Variants in ROBO1 observed in about 807,000 individuals in gnomAD.
The protein encoded by ROBO1 is roundabout homolog 1.
ROBO1 carries 149 observed loss-of-function variants against 195.9 expected under a neutral mutation model. The observed-to-expected ratio is 0.76, with a 90% CI of 0.67 to 0.87. The LOEUF (loss-of-function observed/expected upper bound fraction) is 0.87, where lower values mean the gene tolerates loss of function less well. ROBO1 is among the 40% of genes least tolerant of loss of function. The probability of loss-of-function intolerance (pLI) is 0.00; values close to 1 mark genes in which losing one functional copy is unlikely to be tolerated. For synonymous variants in ROBO1, 816 were observed against 733.2 expected, an observed-to-expected ratio of 1.11 and a Z score of -1.82; for missense variants, 1,933 against 2,068.3, an observed-to-expected ratio of 0.93 and a Z score of 1.27.
At chr3:78,859,230 A>C (rs1217688219) in intron 4 of ROBO1, among the ~76,000 whole-genome samples, 1 of 152,182 alleles carries the variant, frequency 6.6e-6, no homozygotes, top group Non-Finnish European at 1.5e-5. Context: ...AAATGTAAGA[A>C]AAGACAGTTT....
chr3:78,855,881 A>AT (rs11351139), intron 4 of ROBO1, among the ~76,000 whole-genome samples: 13 of 151,670 alleles, frequency 8.6e-5, no homozygotes, highest in Middle Eastern at 3.4e-3. Flanking sequence ...TTTGGAGAAT[A>AT]TTTTTTTTTC....
At chr3:79,439,574 A>G (rs1280135220) in intron 2 of ROBO1, among the ~76,000 whole-genome samples, 1 of 152,116 alleles carries the variant, frequency 6.6e-6, no homozygotes, top group Non-Finnish European at 1.5e-5. Context: ...AGGGATTTCC[A>G]TTACCAACTG....
At chr3:79,664,920 T>C (rs537096369) in intron 1 of ROBO1, among the ~76,000 whole-genome samples, 1 of 152,160 alleles carries the variant, frequency 6.6e-6, no homozygotes, top group African/African-American at 2.4e-5. Context: ...GAATATTAGA[T>C]ACTTTCTGTA....
At chr3:78,976,411 G>T (rs2076885982) in intron 3 of ROBO1, among the ~76,000 whole-genome samples, 1 of 152,166 alleles carries the variant, frequency 6.6e-6, no homozygotes, top group South Asian at 2.1e-4. Context: ...CACTGTGCCG[G>T]TGAGTCTTTG....
intron 10 of ROBO1, among the ~76,000 whole-genome samples, chr3:78,682,861 G>C (rs2080959800): frequency 6.6e-6 from 1 of 151,216 alleles, no homozygotes; most frequent in South Asian, 2.1e-4. Context: ...CAGCAACTTT[G>C]CTAAATTCAC....
intron 28 of ROBO1, 29 bp downstream of exon 28, chr3:78,614,619 G>T: frequency 6.2e-7 from 1 of 1,610,092 alleles, no homozygotes; most frequent in African/African-American, 1.3e-5. Flanking sequence ...GAGATTCATA[G>T]ACGTTTTCAT....
intron 2 of ROBO1, among the ~76,000 whole-genome samples, chr3:79,332,954 C>T (rs1002423413): frequency 6.6e-6 from 1 of 152,132 alleles, no homozygotes; most frequent in African/African-American, 2.4e-5. Flanking sequence ...GTAATCCCAG[C>T]ACGTTGGGAG....
rs116289457 is a variant in ROBO1, at chr3:79,483,772, G to C, written c.88+106052C>G. 4.6e-3 allele frequency among the ~76,000 whole-genome samples: 694 copies of C among 152,270 alleles called. 3 individuals carry two copies. Among genetic ancestry groups the C allele is most frequent in the Non-Finnish European group, 8.1e-3 (554 of 68,020 alleles). ...CTATCATTGATGGAAGCATTGCTAA[G>C]ATGAGCATGACTGTGTCTAGCAGAC... On this transcript the variant is annotated intron_variant, in intron 2 of 30. Coordinates refer to ENST00000464233, the MANE Select transcript of ROBO1 (RefSeq NM_002941.4).
chr3:78,732,768 T>G (rs1318944705), intron 5 of ROBO1, among the ~76,000 whole-genome samples: 2 of 152,160 alleles, frequency 1.3e-5, no homozygotes, highest in Non-Finnish European at 2.9e-5. Context: ...AAATTTACAT[T>G]ATTTCCAGCC....
intron 2 of ROBO1, among the ~76,000 whole-genome samples, chr3:79,230,745 C>T (rs1168656467): frequency 2.0e-5 from 3 of 151,820 alleles, no homozygotes; most frequent in Non-Finnish European, 4.4e-5. Flanking sequence ...TTATACGAGA[C>T]CAAAAAAGAC....
intron 2 of ROBO1, among the ~76,000 whole-genome samples, chr3:79,174,113 G>A (rs2081220804): frequency 6.6e-6 from 1 of 152,088 alleles, no homozygotes; most frequent in South Asian, 2.1e-4. Context: ...TGAGCCAGCA[G>A]TGGCAACCTG....
At chr3:78,778,133 T>C (rs1237792885) in intron 4 of ROBO1, among the ~76,000 whole-genome samples, 1 of 152,216 alleles carries the variant, frequency 6.6e-6, no homozygotes, top group African/African-American at 2.4e-5. Context: ...TGATGGATTA[T>C]ATTTATTGAT....
At chr3:79,031,599 C>T (rs1300140724) in intron 3 of ROBO1, among the ~76,000 whole-genome samples, 4 of 152,176 alleles carry the variant, frequency 2.6e-5, no homozygotes, top group Non-Finnish European at 5.9e-5. Context: ...TCGCTAGCAC[C>T]TATTCTTTTT....
chr3:79,625,275 T>A (rs1460377235), intron 1 of ROBO1, among the ~76,000 whole-genome samples: 1 of 149,496 alleles, frequency 6.7e-6, no homozygotes, highest in Non-Finnish European at 1.5e-5. Flanking sequence ...TACCCTAACA[T>A]CACAATTAAA....
intron 1 of ROBO1, among the ~76,000 whole-genome samples, chr3:79,652,080 A>C (rs1313612975): frequency 6.6e-6 from 1 of 152,118 alleles, no homozygotes; most frequent in Non-Finnish European, 1.5e-5. Context: ...CATTCAGCAT[A>C]TGAATAATTT....
chr3:78,959,884 G>C (rs537030967), intron 3 of ROBO1, among the ~76,000 whole-genome samples: 1 of 152,298 alleles, frequency 6.6e-6, no homozygotes, highest in African/African-American at 2.4e-5. Context: ...ACTGGGGTTA[G>C]CTTGGAGGTT....
chr3:79,128,554 G>C (rs1429309199), intron 2 of ROBO1, among the ~76,000 whole-genome samples: 1 of 152,096 alleles, frequency 6.6e-6, no homozygotes, highest in African/African-American at 2.4e-5. Context: ...GGGATAAAAA[G>C]CTTGCTACAA....
At chr3:79,273,098 A>C (rs771543489) in intron 2 of ROBO1, among the ~76,000 whole-genome samples, 64 of 152,128 alleles carry the variant, frequency 4.2e-4, no homozygotes, top group Non-Finnish European at 8.1e-4. Context: ...CTACCTTATA[A>C]GAAATGCTAA....
At chr3:78,985,126 CA>C (rs2077076810) in intron 3 of ROBO1, among the ~76,000 whole-genome samples, 1 of 152,090 alleles carries the variant, frequency 6.6e-6, no homozygotes, top group Non-Finnish European at 1.5e-5. Context: ...CCAGCCTGGG[CA>C]ACATGGCAAA....
Sources: allele counts gnomAD v4.1 joint callset (sites outside exome capture counted in the v4.1 genomes callset), GRCh38; gene constraint gnomAD v4.1.1; transcripts MANE v1.5; gene names NCBI Gene and HGNC (gene_info 2026-07-23, HGNC 2026-07-21).